Variants in MBNL2 observed in about 807,000 individuals in gnomAD.
MBNL2 encodes muscleblind-like protein 2.
A neutral mutation model predicts 41.9 loss-of-function variants in MBNL2; 17 were observed. The ratio of observed to expected loss-of-function variants is 0.41; its 90% CI spans 0.28 to 0.61. MBNL2 has a LOEUF of 0.61. Among genes scored for constraint, MBNL2 ranks in the 20% least tolerant of loss-of-function variants. MBNL2 has a pLI of 0.35. For synonymous variants in MBNL2, 195 were observed against 182.9 expected (o/e 1.07, Z -0.53); for missense variants, 336 against 505.6 (o/e 0.66, Z 3.22).
At chr13:97,293,617 A>T (rs2056546470) in intron 2 of MBNL2, among the ~76,000 whole-genome samples, 1 of 152,164 alleles carries the variant, frequency 6.6e-6, no homozygotes, top group Non-Finnish European at 1.5e-5. Flanking sequence ...AATTATGGTG[A>T]TGCAAGAAAT....
chr13:97,161,493 A>C, the MBNL2 span, among the ~76,000 whole-genome samples: 2 of 152,208 alleles, frequency 1.3e-5, no homozygotes, highest in African/African-American at 4.8e-5. Flanking sequence ...TGAAAGTCAA[A>C]GGTACTGCAC....
intron 2 of MBNL2, among the ~76,000 whole-genome samples, chr13:97,311,054 C>G (rs1386309932): frequency 6.6e-6 from 1 of 152,004 alleles, no homozygotes; most frequent in Non-Finnish European, 1.5e-5. Flanking sequence ...ACATTAAAAG[C>G]CATGCAAAAA....
chr13:97,358,506 A>C (rs2063159063), intron 7 of MBNL2, among the ~76,000 whole-genome samples: 2 of 152,164 alleles, frequency 1.3e-5, no homozygotes, highest in African/African-American at 2.4e-5. Flanking sequence ...ACTGACCCCA[A>C]AAAGTCAGAT....
At chr13:97,141,981 G>A in the MBNL2 span, among the ~76,000 whole-genome samples, 1 of 152,008 alleles carries the variant, frequency 6.6e-6, no homozygotes, top group African/African-American at 2.4e-5. Flanking sequence ...CTAAAGTAAG[G>A]CACTGCTAGT....
intron 7 of MBNL2, among the ~76,000 whole-genome samples, chr13:97,360,931 C>A (rs1034036562): frequency 1.3e-5 from 2 of 152,208 alleles, no homozygotes; most frequent in Admixed American, 1.3e-4. Flanking sequence ...GTAAATGTTA[C>A]ATCAGATTAT....
At chr13:97,339,533 A>G (rs1425705244) in intron 3 of MBNL2, among the ~76,000 whole-genome samples, 4 of 152,126 alleles carry the variant, frequency 2.6e-5, no homozygotes, top group Admixed American at 6.5e-5. Flanking sequence ...CAGCCTGGCA[A>G]CAGCACTTCT....
upstream of MBNL2, among the ~76,000 whole-genome samples, chr13:97,218,430 C>CAAAAAAAAAAAAAAAAAAA (rs746110575): frequency 4.3e-5 from 3 of 69,052 alleles, no homozygotes; most frequent in Non-Finnish European, 8.0e-5. Flanking sequence ...AAAAACAAAA[C>CAAAAAAAAAAAAAAAAAAA]AAAACAAAAC....
intron 2 of MBNL2, among the ~76,000 whole-genome samples, chr13:97,320,447 G>A (rs1445689424): frequency 1.3e-5 from 2 of 151,600 alleles, no homozygotes; most frequent in Non-Finnish European, 2.9e-5. Context: ...TAGTAGAGCC[G>A]GGGTTTCACC....
At chr13:97,248,221 A>C (rs2045860340) in intron 1 of MBNL2, among the ~76,000 whole-genome samples, 1 of 152,238 alleles carries the variant, frequency 6.6e-6, no homozygotes, top group Non-Finnish European at 1.5e-5. Flanking sequence ...TCCTGGGTTC[A>C]AGCGATTCTC....
intron 1 of MBNL2, among the ~76,000 whole-genome samples, chr13:97,263,150 T>G (rs9516882): frequency 0.041 from 6,282 of 152,232 alleles, 169 homozygotes; most frequent in African/African-American, 0.068. Context: ...AAGATGAATT[T>G]GCTTCTAATG....
intron 8 of MBNL2, among the ~76,000 whole-genome samples, chr13:97,387,613 G>A (rs932479113): frequency 7.2e-5 from 11 of 152,128 alleles, no homozygotes; most frequent in African/African-American, 9.7e-5. Flanking sequence ...TCTGTGTCCC[G>A]TCGCCCTATC....
chr13:97,168,757 G>T, the MBNL2 span, among the ~76,000 whole-genome samples: 2 of 152,178 alleles, frequency 1.3e-5, no homozygotes, highest in African/African-American at 4.8e-5. Flanking sequence ...ATTTAGAACA[G>T]AATATGGTGC....
intron 5 of MBNL2, among the ~76,000 whole-genome samples, chr13:97,349,770 T>C (rs567374018): frequency 1.3e-5 from 2 of 152,298 alleles, no homozygotes; most frequent in African/African-American, 4.8e-5. Context: ...CACTCTCTTC[T>C]TTCCCCTGCC....
At chr13:97,162,023 A>T in the MBNL2 span, among the ~76,000 whole-genome samples, 1 of 152,194 alleles carries the variant, frequency 6.6e-6, no homozygotes, top group Non-Finnish European at 1.5e-5. Context: ...GAAGTACAGT[A>T]GCATTTGATC....
intron 2 of MBNL2, among the ~76,000 whole-genome samples, chr13:97,308,564 C>A (rs1266501230): frequency 2.6e-5 from 4 of 152,192 alleles, no homozygotes; most frequent in Non-Finnish European, 5.9e-5. Flanking sequence ...TACCCACACA[C>A]CAACAATCTT....
the MBNL2 span, among the ~76,000 whole-genome samples, chr13:97,169,267 G>A: frequency 6.6e-6 from 1 of 152,190 alleles, no homozygotes. Flanking sequence ...TTTGTCAAAT[G>A]AAACGAAGGG....
At chr13:97,298,322 T>G (rs566885892) in intron 2 of MBNL2, among the ~76,000 whole-genome samples, 1 of 152,236 alleles carries the variant, frequency 6.6e-6, no homozygotes, top group African/African-American at 2.4e-5. Context: ...CTTGAATACA[T>G]GAATAAATCT....
chr13:97,323,339 C>A (rs969956767), intron 2 of MBNL2, among the ~76,000 whole-genome samples: 3 of 152,096 alleles, frequency 2.0e-5, no homozygotes, highest in Non-Finnish European at 4.4e-5. Flanking sequence ...AAAATAGAAC[C>A]CAACATTTAC....
the MBNL2 span, among the ~76,000 whole-genome samples, chr13:97,188,369 T>C: frequency 6.6e-6 from 1 of 152,186 alleles, no homozygotes; most frequent in African/African-American, 2.4e-5. Flanking sequence ...ATTATCACCA[T>C]TCCTGGGGCC....
Sources: allele counts gnomAD v4.1 joint callset (sites outside exome capture counted in the v4.1 genomes callset), GRCh38; gene constraint gnomAD v4.1.1; transcripts MANE v1.5; gene names NCBI Gene and HGNC (gene_info 2026-07-23, HGNC 2026-07-21).